The following DLG2 variants were observed in gnomAD, a reference collection of about 807,000 sequenced individuals.
DLG2 encodes disks large homolog 2.
Under a neutral mutation model 132.5 loss-of-function variants are expected in DLG2, and 45 were observed. That is an observed-to-expected ratio of 0.34 (90% CI 0.27 to 0.44). DLG2 has a LOEUF of 0.44. Among genes scored for constraint, DLG2 ranks in the 20% least tolerant of loss-of-function variants. The pLI is 1.00. For synonymous variants in DLG2, 424 were observed against 419.6 expected, an observed-to-expected ratio of 1.01 and a Z score of -0.13; for missense variants, 1,045 against 1,196.9, an observed-to-expected ratio of 0.87 and a Z score of 1.87.
chr11:83,572,422 A>C (rs1253519601), intron 19 of DLG2, among the ~76,000 whole-genome samples: 1 of 152,136 alleles, frequency 6.6e-6, no homozygotes, highest in Non-Finnish European at 1.5e-5. Flanking sequence ...TTGGAAATTG[A>C]CAGAAAATCA....
chr11:83,991,549 T>C lies in DLG2; in HGVS notation c.920-10907A>G, dbSNP rs79923387. On this transcript the variant is annotated intron_variant, in intron 11 of 27. Coordinates refer to ENST00000376104, the MANE Select transcript of DLG2 (RefSeq NM_001142699.3). ...TTTCTTTTTTCTTTTTTTCTCTCTCTCTCTCTAGAGTATTCAGTTCCTTAG... is the reference window on the plus strand; with the variant it reads ...TTTCTTTTTTCTTTTTTTCTCTCTCCCTCTCTAGAGTATTCAGTTCCTTAG... Among the ~76,000 whole-genome samples, 857 of 152,222 alleles carry C rather than the reference T, an allele frequency of 5.6e-3. 5 individuals carry two copies. The highest frequency in any genetic ancestry group is 0.02 in the African/African-American group (828 of 41,548).
At chr11:84,180,573 C>A (rs975860162) in intron 8 of DLG2, among the ~76,000 whole-genome samples, 1 of 151,964 alleles carries the variant, frequency 6.6e-6, no homozygotes, top group Non-Finnish European at 1.5e-5. Context: ...AACAAACACA[C>A]AAGCAAACAA....
chr11:83,721,500 T>C (rs1261720004), intron 18 of DLG2, among the ~76,000 whole-genome samples: 1 of 152,232 alleles, frequency 6.6e-6, no homozygotes, highest in African/African-American at 2.4e-5. Context: ...TTTCAAGGTC[T>C]GTCAGTGACT....
intron 7 of DLG2, among the ~76,000 whole-genome samples, chr11:84,276,720 T>G (rs539857995): frequency 6.6e-6 from 1 of 152,336 alleles, no homozygotes; most frequent in South Asian, 2.1e-4. Context: ...TAACTTAGAC[T>G]GCAGACCTCA....
At chr11:84,078,188 C>A (rs968238477) in intron 10 of DLG2, among the ~76,000 whole-genome samples, 1 of 152,042 alleles carries the variant, frequency 6.6e-6, no homozygotes. Context: ...AAGAGTAAGA[C>A]AAGATTCAGA....
intron 6 of DLG2, among the ~76,000 whole-genome samples, chr11:84,809,014 C>T (rs2076282942): frequency 6.6e-6 from 1 of 151,874 alleles, no homozygotes; most frequent in African/African-American, 2.4e-5. Flanking sequence ...AGGTCAATAT[C>T]CCTCATGAAT....
At chr11:84,590,663 C>T (rs1361973341) in intron 6 of DLG2, among the ~76,000 whole-genome samples, 2 of 152,062 alleles carry the variant, frequency 1.3e-5, no homozygotes, top group South Asian at 2.1e-4. Context: ...TATAGTCTAA[C>T]ATATGAAGGT....
intron 19 of DLG2, among the ~76,000 whole-genome samples, chr11:83,610,625 A>G (rs1391439588): frequency 2.0e-5 from 3 of 152,192 alleles, no homozygotes; most frequent in Admixed American, 2.0e-4. Context: ...GAAGTGTGTC[A>G]AGCAATTTAA....
intron 8 of DLG2, among the ~76,000 whole-genome samples, chr11:84,175,694 C>A (rs1345979402): frequency 6.6e-6 from 1 of 152,114 alleles, no homozygotes; most frequent in Non-Finnish European, 1.5e-5. Context: ...AAAAGCACAT[C>A]ACTATCTTCA....
At chr11:85,079,945 T>A (rs558214750) in intron 6 of DLG2, among the ~76,000 whole-genome samples, 1 of 152,234 alleles carries the variant, frequency 6.6e-6, no homozygotes, top group African/African-American at 2.4e-5. Context: ...GGTATCTTGA[T>A]ATCCTCTCAG....
At chr11:84,087,127 A>G (rs1714819206) in intron 10 of DLG2, among the ~76,000 whole-genome samples, 1 of 152,096 alleles carries the variant, frequency 6.6e-6, no homozygotes, top group Non-Finnish European at 1.5e-5. Context: ...TTAGTGTACA[A>G]GTTTTTGTGT....
chr11:84,373,274 A>C (rs1157534738), intron 7 of DLG2, among the ~76,000 whole-genome samples: 1 of 148,756 alleles, frequency 6.7e-6, no homozygotes, highest in African/African-American at 2.5e-5. Flanking sequence ...ACAAAACAAA[A>C]AAAAAACCCA....
intron 6 of DLG2, among the ~76,000 whole-genome samples, chr11:84,537,330 C>T (rs571746): frequency 0.9 from 136,278 of 152,116 alleles, 61,186 homozygotes; most frequent in East Asian, 0.95. Context: ...TGGTCTCGAA[C>T]TCTTACCGCA....
At chr11:85,284,113 G>C (rs2078408439) in intron 4 of DLG2, among the ~76,000 whole-genome samples, 2 of 151,796 alleles carry the variant, frequency 1.3e-5, no homozygotes, top group Non-Finnish European at 2.9e-5. Context: ...TGCCCTATAT[G>C]CTATTGTCCC....
At chr11:85,147,646 A>T (rs930723864) in intron 5 of DLG2, among the ~76,000 whole-genome samples, 20 of 152,352 alleles carry the variant, frequency 1.3e-4, no homozygotes, top group Non-Finnish European at 2.9e-4. Context: ...AATTAAGTAT[A>T]ATTTTACAGG....
chr11:83,610,026 G>T (rs2059884840), intron 19 of DLG2, among the ~76,000 whole-genome samples: 1 of 152,098 alleles, frequency 6.6e-6, no homozygotes, highest in South Asian at 2.1e-4. Context: ...TAACCCCAGG[G>T]TCTCAACACT....
intron 6 of DLG2, among the ~76,000 whole-genome samples, chr11:84,821,605 C>T (rs2077683247): frequency 6.9e-6 from 1 of 145,952 alleles, no homozygotes; most frequent in African/African-American, 2.5e-5. Context: ...GTATAGTTTG[C>T]TCACCTATGG....
In DLG2 at chr11:84,163,488, A is replaced by G. The variant is rs1354718459; in HGVS notation, c.597T>C (p.Tyr199=). The G allele has an allele frequency of 2.7e-5, 43 of 1,607,528 alleles. No homozygotes were observed. Among genetic ancestry groups the G allele is most frequent in the South Asian group, 3.3e-5 (3 of 89,764 alleles). Reference sequence around the variant, plus strand: ...TCTCCAGTGTAATTTCTTCAAATTCATATTCAATTTCTGTCCCATTGACCT... The same window carrying G: ...TCTCCAGTGTAATTTCTTCAAATTCGTATTCAATTTCTGTCCCATTGACCT... The part of the protein sequence containing the change: ...IPYVNGTEIE[Y]EFEEITLERG... Residue 199 remains tyrosine (Y), a synonymous_variant, in exon 9 of 28, where the codon TAT becomes TAC. Coordinates refer to ENST00000376104, the MANE Select transcript of DLG2 (RefSeq NM_001142699.3).
At chr11:85,564,758 G>T (rs1467588742) in intron 3 of DLG2, among the ~76,000 whole-genome samples, 2 of 151,876 alleles carry the variant, frequency 1.3e-5, no homozygotes, top group African/African-American at 4.8e-5. Flanking sequence ...AGGAATTTTA[G>T]AATCAGTTTG....
Sources: gnomAD v4.1 joint callset for allele counts (sites outside exome capture counted in the v4.1 genomes callset) on GRCh38, gnomAD v4.1.1 for gene constraint, MANE v1.5 for transcripts, NCBI Gene and HGNC (gene_info 2026-07-23, HGNC 2026-07-21) for gene names.